Variants in CATSPERB observed in about 807,000 individuals in gnomAD.
CATSPERB encodes cation channel sperm-associated auxiliary subunit beta.
In CATSPERB, 93 loss-of-function variants were observed where a neutral mutation model predicts 128.3. The observed-to-expected ratio is 0.72, with a 90% confidence interval of 0.61 to 0.86. The LOEUF is 0.86. Ranked by LOEUF, CATSPERB falls within the 40% of genes least tolerant of loss-of-function variation. The pLI is 0.00. For synonymous variants in CATSPERB, 381 were observed against 448.8 expected (o/e 0.85, Z 1.91); for missense variants, 1,153 against 1,329.5 (o/e 0.87, Z 2.06).
At chr14:91,725,963 C>T (rs769245139) in intron 2 of CATSPERB, among the ~76,000 whole-genome samples, 11 of 152,130 alleles carry the variant, frequency 7.2e-5, no homozygotes, top group Non-Finnish European at 1.5e-4. Context: ...AGCAAAAGAA[C>T]AGCAGAGAGA....
chr14:91,672,676 CA>C (rs1460992993), intron 13 of CATSPERB, among the ~76,000 whole-genome samples, 190 bp downstream of exon 13: 4 of 152,166 alleles, frequency 2.6e-5, no homozygotes, highest in Non-Finnish European at 5.9e-5. Flanking sequence ...CCATTTTCAT[CA>C]AAATGAATGA....
At chr14:91,638,400 CTTT>C (rs34399837) in intron 16 of CATSPERB, among the ~76,000 whole-genome samples, 3 of 145,598 alleles carry the variant, frequency 2.1e-5, no homozygotes, top group Admixed American at 6.9e-5. Flanking sequence ...GCTCATGTTC[CTTT>C]TTTTTTTTTT....
At chr14:91,689,076 C>T (rs970308844) in intron 10 of CATSPERB, among the ~76,000 whole-genome samples, 5 of 152,180 alleles carry the variant, frequency 3.3e-5, no homozygotes, top group Non-Finnish European at 7.3e-5. Context: ...GCTGCCATGC[C>T]ACCACCTTGG....
intron 11 of CATSPERB, among the ~76,000 whole-genome samples, chr14:91,676,265 T>C (rs1318986379): frequency 1.3e-5 from 2 of 152,028 alleles, no homozygotes; most frequent in Admixed American, 6.6e-5. Context: ...ATAAGGAGGA[T>C]TCACCCAACT....
chr14:91,672,680 A>G (rs888141148), intron 13 of CATSPERB, among the ~76,000 whole-genome samples, 187 bp downstream of exon 13: 1 of 152,270 alleles, frequency 6.6e-6, no homozygotes, highest in Non-Finnish European at 1.5e-5. Context: ...TTTCATCAAA[A>G]TGAATGACGA....
chr14:91,589,604 T>C lies in CATSPERB; in HGVS notation c.2886A>G (p.Gly962=). The change falls in exon 24 of 27, where the codon GGA becomes GGG. Residue 962 remains glycine (G), a synonymous_variant. Coordinates refer to ENST00000256343, the MANE Select transcript of CATSPERB (RefSeq NM_024764.4). ...PVSLEIINED[G]RVPLQSPYLV... ...GATATGGAGATTGCAATGGGACACG[T>C]CCATCCTCGTTGATAATTTCCAAAG... 6.2e-7 allele frequency: 1 copy of C among 1,613,852 alleles called. No homozygotes were observed.
chr14:91,662,938 ATTCT>A (rs1894910802), intron 14 of CATSPERB, among the ~76,000 whole-genome samples: 1 of 152,066 alleles, frequency 6.6e-6, no homozygotes, highest in African/African-American at 2.4e-5. Flanking sequence ...TACTTCTATA[ATTCT>A]TTCTTAGTTA....
In CATSPERB at chr14:91,664,799, C is replaced by T. The variant is rs530024169; in HGVS notation, c.1288-4818G>A. Among the ~76,000 whole-genome samples, 61 of 152,276 alleles carry T rather than the reference C, an allele frequency of 4.0e-4. No individual in the cohort carries two copies. The South Asian group carries it at 0.01, about 26-fold the overall frequency. ...CTAAATTTTTGTTCAACTGTTCGTT[C>T]TGTTTCTTAGCTTCATTTCAGAGGA... On this transcript the variant is annotated intron_variant, in intron 14 of 26. Coordinates refer to ENST00000256343, the MANE Select transcript of CATSPERB (RefSeq NM_024764.4).
At chr14:91,595,661 G>A (rs1893494459) in intron 22 of CATSPERB, among the ~76,000 whole-genome samples, 1 of 152,184 alleles carries the variant, frequency 6.6e-6, no homozygotes, top group Non-Finnish European at 1.5e-5. Flanking sequence ...TATGAGGCCA[G>A]TTTCCCAAGG....
rs1566743452 is a variant in CATSPERB at position 91,730,349 on chromosome 14, C to T, written c.1-870G>A. On this transcript the variant is annotated intron_variant, in intron 1 of 26. Transcript: ENST00000256343. ...GAAGACAGCCAGCCACCTATAAACT[C>T]AGGAGAGACGCATGAACAGTTCCTT... Among the ~76,000 whole-genome samples, 3 of 152,250 alleles carry T rather than the reference C, an allele frequency of 2.0e-5. No homozygotes were observed. The East Asian group carries it at 5.8e-4, about 29-fold the overall frequency.
intron 22 of CATSPERB, chr14:91,603,036 C>G: frequency 1.3e-6 from 1 of 780,230 alleles, no homozygotes; most frequent in Non-Finnish European, 2.4e-6. Context: ...AGTGATGTGC[C>G]TTTGCCTGTG....
chr14:91,680,122 ATAATT>A (rs1415284775), intron 11 of CATSPERB, among the ~76,000 whole-genome samples: 3 of 152,228 alleles, frequency 2.0e-5, no homozygotes, highest in Admixed American at 6.5e-5. Context: ...CTGAATTAAT[ATAATT>A]TATTCTGTGC....
At chr14:91,632,050 G>A (rs1894287837) in intron 17 of CATSPERB, among the ~76,000 whole-genome samples, 1 of 151,984 alleles carries the variant, frequency 6.6e-6, no homozygotes, top group East Asian at 1.9e-4. Flanking sequence ...ATGAAACATA[G>A]AAAAAGGTGG....
chr14:91,675,158 G>A (rs924513107), intron 11 of CATSPERB, among the ~76,000 whole-genome samples: 3 of 152,216 alleles, frequency 2.0e-5, no homozygotes, highest in South Asian at 2.1e-4. Flanking sequence ...GGTTTGCAAC[G>A]AGTGGGGCAA....
Position 91,639,145 on chromosome 14 carries a change from G to C in CATSPERB, c.1538C>G (p.Ala513Gly), listed in dbSNP as rs751403456. The C allele has an allele frequency of 1.2e-6, 2 of 1,613,906 alleles. No homozygotes were observed. The highest frequency in any genetic ancestry group is 2.7e-5 in the African/African-American group (2 of 74,914). The change falls in exon 16 of 27, where the codon GCT becomes GGT. Residue 513 changes from alanine (A) to glycine (G), a missense_variant. Transcript: ENST00000256343. ...LHKLTLGRFE[A>G]SGPPTAFGNS... ...TCCAAAGGCTGTGGGTGGTCCACTA[G>C]CTTCAAAGCGACCCAGAGTCAGCTT...
intron 7 of CATSPERB, among the ~76,000 whole-genome samples, chr14:91,696,953 G>A (rs910216065): frequency 2.6e-5 from 4 of 152,174 alleles, no homozygotes; most frequent in Admixed American, 2.0e-4. Context: ...TTTCTCTGAA[G>A]TATTATATAA....
At chr14:91,704,266 A>AT (rs2068721038) in intron 7 of CATSPERB, among the ~76,000 whole-genome samples, 1 of 152,202 alleles carries the variant, frequency 6.6e-6, no homozygotes, top group African/African-American at 2.4e-5. Flanking sequence ...AATAGCAGAT[A>AT]ATCTCTGGGA....
At chr14:91,597,265 A>C (rs1275033680) in intron 22 of CATSPERB, among the ~76,000 whole-genome samples, 1 of 152,202 alleles carries the variant, frequency 6.6e-6, no homozygotes, top group Admixed American at 6.5e-5. Flanking sequence ...ATATTACAAA[A>C]TAGGATTACA....
intron 26 of CATSPERB, among the ~76,000 whole-genome samples, chr14:91,585,853 G>A (rs1256739585): frequency 3.9e-5 from 6 of 152,126 alleles, no homozygotes; most frequent in African/African-American, 1.4e-4. Context: ...TGTTATGTTG[G>A]GAGATTCTGG....
Sources: allele counts gnomAD v4.1 joint callset (sites outside exome capture counted in the v4.1 genomes callset), GRCh38; gene constraint gnomAD v4.1.1; transcripts MANE v1.5; gene names NCBI Gene and HGNC (gene_info 2026-07-23, HGNC 2026-07-21).